NPFFR2: variants seen among roughly 807,000 people sequenced by gnomAD.
NPFFR2 encodes the protein G-protein coupled receptor 74.
NPFFR2 carries 15 observed loss-of-function variants against 13.1 expected under a neutral mutation model. The observed-to-expected ratio is 1.15, with a 90% CI of 0.77 to 1.76. The LOEUF is 1.76. NPFFR2 is among the 40% of genes most tolerant of loss of function. NPFFR2 has a pLI of 0.00. For synonymous variants in NPFFR2, 190 were observed against 175.7 expected (o/e 1.08, Z -0.65); for missense variants, 572 against 503.5 (o/e 1.14, Z -1.30).
At chr4:72,095,828 G>A (rs1001393801) in intron 1 of NPFFR2, among the ~76,000 whole-genome samples, 1 of 152,094 alleles carries the variant, frequency 6.6e-6, no homozygotes, top group Non-Finnish European at 1.5e-5. Flanking sequence ...GAAAGTTCAC[G>A]GGGCTTAGCT....
At chr4:72,109,017 CCTT>C (rs1404880755) in intron 1 of NPFFR2, among the ~76,000 whole-genome samples, 1 of 151,982 alleles carries the variant, frequency 6.6e-6, no homozygotes, top group Non-Finnish European at 1.5e-5. Flanking sequence ...CTCTAATACA[CCTT>C]GTAGCTATGA....
At chr4:72,125,014 A>G (rs1422370665) in intron 1 of NPFFR2, among the ~76,000 whole-genome samples, 2 of 152,156 alleles carry the variant, frequency 1.3e-5, no homozygotes, top group Non-Finnish European at 2.9e-5. Context: ...AATTTTTGCA[A>G]TCTATCCATC....
At chr4:72,054,655 A>AT (rs575554692) in intron 1 of NPFFR2, among the ~76,000 whole-genome samples, 160 of 151,940 alleles carry the variant, frequency 1.1e-3, no homozygotes, top group African/African-American at 3.6e-3. Context: ...TAAAGAAACA[A>AT]TTTTTTTGCT....
At chr4:72,077,108 T>A (rs545298546) in intron 1 of NPFFR2, among the ~76,000 whole-genome samples, 1 of 152,130 alleles carries the variant, frequency 6.6e-6, no homozygotes, top group Non-Finnish European at 1.5e-5. Context: ...CTTTAAAAAA[T>A]CTTTTGTTTA....
Position 72,128,603 on chromosome 4 carries a change from A to G in NPFFR2, c.12A>G (p.Lys4=). 3.7e-6 allele frequency: 6 copies of G among 1,602,468 alleles called. No homozygotes were observed. Among genetic ancestry groups the G allele is most frequent in the Non-Finnish European group, 5.1e-6 (6 of 1,172,094 alleles). Residue 4 remains lysine (K), a synonymous_variant, in exon 2 of 4, where the codon AAA becomes AAG. Transcript: ENST00000308744. Reference sequence around the variant, plus strand: ...TATTAAGGTTCATCATGAATGAGAAATGGGACACAAACTCTTCAGAAAACT... The same window carrying G: ...TATTAAGGTTCATCATGAATGAGAAGTGGGACACAAACTCTTCAGAAAACT... MNE[K]WDTNSSENWH... is the part of the protein sequence containing the mutation.
In NPFFR2 at chr4:72,049,806, C is replaced by G. The variant is rs149425573; in HGVS notation, c.-8+17606C>G. 1.2e-3 allele frequency among the ~76,000 whole-genome samples: 181 copies of G among 151,568 alleles called. 1 individual carries two copies. Among genetic ancestry groups the G allele is most frequent in the African/African-American group, 4.2e-3 (170 of 40,954 alleles). ...CTCTTGTAAGTGCTAGTGATAAGAGCTATAGGAGCACCTTTTATTATAATG... is the reference window on the plus strand; with the variant it reads ...CTCTTGTAAGTGCTAGTGATAAGAGGTATAGGAGCACCTTTTATTATAATG... On this transcript the variant is annotated intron_variant, in intron 1 of 3. Transcript: ENST00000308744.
At chr4:72,080,392 T>A (rs1245105759) in intron 1 of NPFFR2, among the ~76,000 whole-genome samples, 4 of 152,080 alleles carry the variant, frequency 2.6e-5, no homozygotes, top group Non-Finnish European at 5.9e-5. Flanking sequence ...CTCTAACTCC[T>A]GACCTCGTGA....
chr4:72,036,987 G>A (rs2109751691), intron 1 of NPFFR2, among the ~76,000 whole-genome samples: 1 of 152,204 alleles, frequency 6.6e-6, no homozygotes, highest in Non-Finnish European at 1.5e-5. Flanking sequence ...CAAACACCCT[G>A]TCTCCTTGCT....
At chr4:72,102,377 AATTATT>A (rs143113118) in intron 1 of NPFFR2, among the ~76,000 whole-genome samples, 2,888 of 151,902 alleles carry the variant, frequency 0.019, 101 homozygotes, top group East Asian at 0.16. Context: ...TGAATGAGGA[AATTATT>A]ATTATTATTA....
intron 1 of NPFFR2, among the ~76,000 whole-genome samples, chr4:72,094,314 C>T (rs938080297): frequency 1.3e-5 from 2 of 152,180 alleles, no homozygotes; most frequent in Non-Finnish European, 2.9e-5. Context: ...TCGTTGGCCT[C>T]AAGCCAGGAG....
intron 2 of NPFFR2, among the ~76,000 whole-genome samples, chr4:72,135,896 T>TGTAATAATCATATTAGG (rs1227591577): frequency 4.6e-5 from 7 of 152,148 alleles, no homozygotes; most frequent in Non-Finnish European, 1.0e-4. Context: ...GCATATAATG[T>TGTAATAATCATATTAGG]GTAATAATCA....
chr4:72,035,463 T>A (rs1228907952), intron 1 of NPFFR2, among the ~76,000 whole-genome samples: 1 of 151,726 alleles, frequency 6.6e-6, no homozygotes, highest in African/African-American at 2.4e-5. Context: ...TCAAGCATAG[T>A]ATGAATGCCT....
intron 2 of NPFFR2, among the ~76,000 whole-genome samples, chr4:72,133,458 T>C (rs1447320781): frequency 6.6e-6 from 1 of 152,210 alleles, no homozygotes; most frequent in East Asian, 1.9e-4. Flanking sequence ...TCCAGCTTTG[T>C]TCTTTTTACT....
chr4:72,087,579 G>A (rs1720803845), intron 1 of NPFFR2, among the ~76,000 whole-genome samples: 1 of 151,844 alleles, frequency 6.6e-6, no homozygotes, highest in Admixed American at 6.6e-5. Context: ...CAGTTGTGAT[G>A]GATGAGAGCC....
At chr4:72,094,751 GAAA>G (rs1007097044) in intron 1 of NPFFR2, among the ~76,000 whole-genome samples, 30 of 152,172 alleles carry the variant, frequency 2.0e-4, no homozygotes, top group Admixed American at 7.2e-4. Context: ...TCCTAGCTGA[GAAA>G]GAAAAGGGAC....
chr4:72,101,075 A>G (rs1721233571), intron 1 of NPFFR2, among the ~76,000 whole-genome samples: 1 of 151,046 alleles, frequency 6.6e-6, no homozygotes, highest in Admixed American at 6.6e-5. Context: ...AAAAAATAAA[A>G]ATCTACACTA....
rs186346752 is a variant in NPFFR2 at position 72,082,821 on chromosome 4, C to T, written c.-7-45764C>T. On this transcript the variant is annotated intron_variant, in intron 1 of 3. Coordinates refer to ENST00000308744, the MANE Select transcript of NPFFR2 (RefSeq NM_004885.3). Reference sequence around the variant, plus strand: ...ATCTCCCCATTCCACCTGCCCACCCCAGCCCCCACTCCCTGGTAGCCCCTA... The same window carrying T: ...ATCTCCCCATTCCACCTGCCCACCCTAGCCCCCACTCCCTGGTAGCCCCTA... 4.1e-3 allele frequency among the ~76,000 whole-genome samples: 629 copies of T among 152,164 alleles called. 1 individual carries two copies. The highest frequency in any genetic ancestry group is 7.3e-3 in the Non-Finnish European group (499 of 67,994).
chr4:72,057,878 G>A (rs1040358734), intron 1 of NPFFR2, among the ~76,000 whole-genome samples: 4 of 151,910 alleles, frequency 2.6e-5, no homozygotes, highest in Non-Finnish European at 5.9e-5. Flanking sequence ...GAAGAGTACC[G>A]TGTCACTTCT....
chr4:72,123,067 G>A (rs957823865), intron 1 of NPFFR2, among the ~76,000 whole-genome samples: 3 of 151,956 alleles, frequency 2.0e-5, no homozygotes, highest in African/African-American at 4.8e-5. Flanking sequence ...AATTATAAAG[G>A]GGATATCATC....
Sources: allele counts gnomAD v4.1 joint callset (sites outside exome capture counted in the v4.1 genomes callset), GRCh38; gene constraint gnomAD v4.1.1; transcripts MANE v1.5; gene names NCBI Gene and HGNC (gene_info 2026-07-23, HGNC 2026-07-21).